XIRP2: variants seen among roughly 807,000 people sequenced by gnomAD.
XIRP2 encodes the protein xin actin binding repeat containing 2, also known as xin actin-binding repeat-containing protein 2.
A neutral mutation model predicts 277.0 loss-of-function variants in XIRP2; 236 were observed. The ratio of observed to expected loss-of-function variants is 0.85; its 90% CI spans 0.77 to 0.95. XIRP2 has a LOEUF of 0.95. XIRP2 is among the 40% of genes least tolerant of loss of function. XIRP2 has a pLI of 0.00. For synonymous variants in XIRP2, 1,490 were observed against 1,416.5 expected (o/e 1.05, Z -1.17); for missense variants, 4,640 against 4,157.5 (o/e 1.12, Z -3.19).
rs1695326646 is a variant in XIRP2, at chr2:167,247,804, G to A, written c.6412G>A (p.Gly2138Ser). Reference protein sequence around the residue: ...ELRNDHQKMEGFHIKSPKKTK... With the variant: ...ELRNDHQKMESFHIKSPKKTK... ...GAGAAATGACCACCAGAAAATGGAG[G>A]GTTTTCATATAAAGAGTCCTAAAAA... The change falls in exon 9 of 11, where the codon GGT becomes AGT. Residue 2138 changes from glycine to serine, a missense_variant. Gly to Ser is a moderately conservative substitution (Grantham distance 56). Coordinates refer to ENST00000409195, the MANE Select transcript of XIRP2 (RefSeq NM_152381.6). 1.2e-6 allele frequency: 2 copies of A among 1,613,014 alleles called. No homozygotes were observed. The highest frequency in any genetic ancestry group is 1.7e-6 in the Non-Finnish European group (2 of 1,179,568).
chr2:167,242,608 G>T lies in XIRP2; in HGVS notation c.1216G>T (p.Val406Phe), dbSNP rs1559036898. 2.5e-6 allele frequency: 4 copies of T among 1,613,916 alleles called. 1 individual carries two copies. Among genetic ancestry groups the T allele is most frequent in the Admixed American group, 1.7e-5 (1 of 60,008 alleles). The part of the protein sequence containing the change: ...EYEETFKPSS[V>F]VSTSSTSCVS... ...TGAAGAGACTTTCAAGCCATCATCA[G>T]TTGTGAGTACCTCTTCCACTTCTTG... Residue 406 changes from valine (V) to phenylalanine (F), a missense_variant, in exon 9 of 11, where the codon GTT (valine) becomes TTT (phenylalanine). Physicochemically the swap from Val to Phe is conservative, Grantham distance 50 (BLOSUM62 -1). Coordinates refer to ENST00000409195, the MANE Select transcript of XIRP2 (RefSeq NM_152381.6).
chr2:167,210,978 T>G (rs1694013102), intron 4 of XIRP2, 83 bp downstream of exon 4: 1 of 1,533,590 alleles, frequency 6.5e-7, no homozygotes, highest in African/African-American at 1.4e-5. Flanking sequence ...AATGTAAGAA[T>G]ACTACTGGAC....
chr2:167,231,581 T>A (rs1212833971), intron 5 of XIRP2, among the ~76,000 whole-genome samples: 1 of 151,854 alleles, frequency 6.6e-6, no homozygotes, highest in African/African-American at 2.4e-5. Context: ...TTTTTTTTTT[T>A]ACATCAAAAC....
intron 3 of XIRP2, among the ~76,000 whole-genome samples, chr2:167,195,700 C>T (rs1330153125): frequency 6.6e-6 from 1 of 152,092 alleles, no homozygotes; most frequent in Admixed American, 6.6e-5. Context: ...AAATCACAAG[C>T]CAGTGAAATG....
chr2:166,942,929 T>G (rs2105385162), intron 2 of XIRP2, among the ~76,000 whole-genome samples: 1 of 152,302 alleles, frequency 6.6e-6, no homozygotes, highest in East Asian at 1.9e-4. Context: ...CATCTCTTGT[T>G]GTTAGTAATG....
chr2:166,968,512 T>A (rs902405630), intron 2 of XIRP2, among the ~76,000 whole-genome samples: 2 of 151,972 alleles, frequency 1.3e-5, no homozygotes, highest in African/African-American at 4.8e-5. Flanking sequence ...GTGACAGATT[T>A]CTCAACCACT....
chr2:166,935,223 G>T (rs1260607075), intron 2 of XIRP2, among the ~76,000 whole-genome samples: 2 of 152,132 alleles, frequency 1.3e-5, no homozygotes, highest in African/African-American at 4.8e-5. Flanking sequence ...ATTCTATACA[G>T]GGAACAGGTC....
intron 3 of XIRP2, among the ~76,000 whole-genome samples, chr2:167,185,843 A>T (rs1468646173): frequency 6.6e-6 from 1 of 152,134 alleles, no homozygotes; most frequent in African/African-American, 2.4e-5. Flanking sequence ...ATCTCATTTC[A>T]TCTTCATAAC....
intron 2 of XIRP2, among the ~76,000 whole-genome samples, chr2:167,057,467 C>A (rs1048371500): frequency 6.6e-6 from 1 of 152,152 alleles, no homozygotes; most frequent in African/African-American, 2.4e-5. Context: ...ACATAGAATG[C>A]TGAGGTCCGG....
intron 2 of XIRP2, among the ~76,000 whole-genome samples, chr2:167,024,032 T>A (rs1688068312): frequency 6.6e-6 from 1 of 152,168 alleles, no homozygotes; most frequent in African/African-American, 2.4e-5. Flanking sequence ...ATTGAATCTA[T>A]AAATTACCTT....
chr2:167,122,456 G>A (rs1179333571), intron 2 of XIRP2, among the ~76,000 whole-genome samples: 1 of 152,146 alleles, frequency 6.6e-6, no homozygotes, highest in African/African-American at 2.4e-5. Flanking sequence ...AGAAATAACA[G>A]GCATCAGAAA....
At chr2:167,085,735 A>G (rs1574239694) in intron 2 of XIRP2, among the ~76,000 whole-genome samples, 1 of 151,666 alleles carries the variant, frequency 6.6e-6, no homozygotes, top group Non-Finnish European at 1.5e-5. Context: ...GTTGGTTTAA[A>G]GTCTGTTTTA....
chr2:167,202,691 A>G (rs952654902), intron 3 of XIRP2, among the ~76,000 whole-genome samples: 10 of 152,242 alleles, frequency 6.6e-5, no homozygotes, highest in Admixed American at 1.3e-4. Context: ...GGACAGACAC[A>G]TGTATGTGTA....
intron 2 of XIRP2, among the ~76,000 whole-genome samples, chr2:166,921,791 T>C (rs1226048361): frequency 6.6e-6 from 1 of 152,112 alleles, no homozygotes; most frequent in Non-Finnish European, 1.5e-5. Flanking sequence ...GTCACCTAAT[T>C]CTTCAGCCCA....
chr2:166,937,622 G>C (rs561452698), intron 2 of XIRP2, among the ~76,000 whole-genome samples: 1 of 152,056 alleles, frequency 6.6e-6, no homozygotes, highest in African/African-American at 2.4e-5. Context: ...AATGAGTTAG[G>C]GAGGATTCCC....
chr2:166,903,700 C>G lies in XIRP2; in HGVS notation c.218C>G (p.Ser73Trp), dbSNP rs569003317. ...AGTACAGGGGAAGAGATGTGGAGTT[C>G]GAAGCCGGAAGAGAAGGATTCTGTG... ...PYSTGEEMWS[S>W]KPEEKDSVDK... is the part of the protein sequence containing the mutation. The change falls in exon 2 of 11, where the codon TCG becomes TGG. Residue 73 changes from serine to tryptophan, a missense_variant. Transcript: ENST00000409195. 1.2e-6 allele frequency: 2 copies of G among 1,613,502 alleles called. No individual in the cohort carries two copies. The highest frequency in any genetic ancestry group is 8.5e-7 in the Non-Finnish European group (1 of 1,179,770).
chr2:167,055,152 G>A (rs1019701793), intron 2 of XIRP2, among the ~76,000 whole-genome samples: 9 of 152,042 alleles, frequency 5.9e-5, no homozygotes, highest in East Asian at 1.9e-4. Flanking sequence ...TCTTTTTATC[G>A]TACCTTAGTA....
intron 2 of XIRP2, among the ~76,000 whole-genome samples, chr2:167,124,960 G>C (rs1171223832): frequency 2.6e-5 from 4 of 152,230 alleles, no homozygotes; most frequent in Non-Finnish European, 4.4e-5. Flanking sequence ...AAGGTAAAAG[G>C]TTCTAAGTGC....
intron 6 of XIRP2, 137 bp from the exon 7 acceptor site, chr2:167,240,527 T>C: frequency 1.5e-6 from 1 of 677,062 alleles, no homozygotes; most frequent in Non-Finnish European, 2.6e-6. Context: ...AAATAAATGA[T>C]AGCAGCTTAA....
Sources: allele counts gnomAD v4.1 joint callset (sites outside exome capture counted in the v4.1 genomes callset), GRCh38; gene constraint gnomAD v4.1.1; transcripts MANE v1.5; gene names NCBI Gene and HGNC (gene_info 2026-07-23, HGNC 2026-07-21).